GSG1L: variants seen among roughly 807,000 people sequenced by gnomAD.
GSG1L encodes the protein GSG1 like.
Under a neutral mutation model 42.1 loss-of-function variants are expected in GSG1L, and 24 were observed. That is an observed-to-expected ratio of 0.57 (90% CI 0.41 to 0.80). The LOEUF (loss-of-function observed/expected upper bound fraction) is 0.80, where lower values mean the gene tolerates loss of function less well. Among genes scored for constraint, GSG1L ranks in the 30% least tolerant of loss-of-function variants. GSG1L has a pLI of 0.00. For synonymous variants in GSG1L, 215 were observed against 203.5 expected, an observed-to-expected ratio of 1.06 and a Z score of -0.48; for missense variants, 445 against 472.2, an observed-to-expected ratio of 0.94 and a Z score of 0.53.
At chr16:28,035,952 C>T (rs535107114) in intron 1 of GSG1L, among the ~76,000 whole-genome samples, 1 of 152,170 alleles carries the variant, frequency 6.6e-6, no homozygotes, top group Non-Finnish European at 1.5e-5. Flanking sequence ...CCCTTCTGAC[C>T]GAAAGCTGAG....
chr16:27,936,584 G>A (rs2084720752), intron 2 of GSG1L, among the ~76,000 whole-genome samples: 1 of 152,160 alleles, frequency 6.6e-6, no homozygotes, highest in Non-Finnish European at 1.5e-5. Flanking sequence ...ACAGCCTGCA[G>A]AACCATGAGC....
At chr16:27,794,456 A>G (rs1236102118) in intron 6 of GSG1L, among the ~76,000 whole-genome samples, 1 of 151,476 alleles carries the variant, frequency 6.6e-6, no homozygotes, top group African/African-American at 2.4e-5. Context: ...TCAGCCTCCT[A>G]AGTAGCTAGG....
intron 2 of GSG1L, among the ~76,000 whole-genome samples, chr16:27,920,409 G>A (rs1241201572): frequency 1.3e-5 from 2 of 152,176 alleles, no homozygotes; most frequent in African/African-American, 4.8e-5. Flanking sequence ...ATTTAACGAT[G>A]GAGAGTTTCC....
intron 3 of GSG1L, among the ~76,000 whole-genome samples, chr16:27,854,910 C>G (rs1383007044): frequency 6.6e-6 from 1 of 152,134 alleles, no homozygotes; most frequent in Non-Finnish European, 1.5e-5. Context: ...TGGATGTACA[C>G]ACCCCTAAGT....
intron 1 of GSG1L, among the ~76,000 whole-genome samples, chr16:28,005,782 T>C (rs1033969195): frequency 6.6e-6 from 1 of 152,158 alleles, no homozygotes; most frequent in African/African-American, 2.4e-5. Context: ...GAATAAAGGC[T>C]TAATAAGTAT....
intron 2 of GSG1L, among the ~76,000 whole-genome samples, chr16:27,962,597 C>T (rs149669580): frequency 2.6e-4 from 39 of 152,328 alleles, no homozygotes; most frequent in South Asian, 1.9e-3. Flanking sequence ...ATCCTGACTG[C>T]TATCCCCTGA....
chr16:27,810,783 G>T (rs1269179604), intron 5 of GSG1L, among the ~76,000 whole-genome samples: 1 of 152,024 alleles, frequency 6.6e-6, no homozygotes, highest in Middle Eastern at 3.2e-3. Context: ...CTCCTCCTGG[G>T]TTCAAGCAAT....
chr16:28,052,490 C>T lies in GSG1L; in HGVS notation c.349+10586G>A, dbSNP rs372433562. 1.6e-4 allele frequency among the ~76,000 whole-genome samples: 24 copies of T among 152,226 alleles called. 1 individual carries two copies. In the East Asian group the frequency reaches 2.7e-3, roughly 17 times the overall value. On this transcript the variant is annotated intron_variant, in intron 1 of 6. Coordinates refer to ENST00000447459, the MANE Select transcript of GSG1L (RefSeq NM_001109763.2). The stretch of plus-strand genomic sequence containing the variant: ...ATTCTCCAGTCCTTGAAAAGGTAGA[C>T]ATGGCCATGTGATTTGCTTTGACCA...
intron 4 of GSG1L, among the ~76,000 whole-genome samples, chr16:27,840,387 C>T (rs1424306926): frequency 2.0e-5 from 3 of 152,044 alleles, no homozygotes; most frequent in African/African-American, 7.2e-5. Context: ...AGCCACTTTG[C>T]TCGGCCCCAA....
intron 2 of GSG1L, among the ~76,000 whole-genome samples, chr16:27,910,118 C>T (rs1489161445): frequency 7.2e-6 from 1 of 139,260 alleles, no homozygotes; most frequent in Non-Finnish European, 1.5e-5. Context: ...TGCCACCATG[C>T]CTGGCTACTT....
intron 1 of GSG1L, among the ~76,000 whole-genome samples, chr16:27,972,083 T>C (rs531715645): frequency 8.3e-4 from 127 of 152,340 alleles, no homozygotes; most frequent in African/African-American, 2.9e-3. Flanking sequence ...GAACCAGATG[T>C]TCCCACCATG....
At chr16:27,840,905 C>A (rs1364926222) in intron 4 of GSG1L, among the ~76,000 whole-genome samples, 1 of 152,170 alleles carries the variant, frequency 6.6e-6, no homozygotes, top group Non-Finnish European at 1.5e-5. Flanking sequence ...TCCACCCCAG[C>A]CACGCCCCAG....
At chr16:27,813,858 A>C (rs1201127397) in intron 5 of GSG1L, among the ~76,000 whole-genome samples, 1 of 152,220 alleles carries the variant, frequency 6.6e-6, no homozygotes, top group East Asian at 1.9e-4. Context: ...GGTTGAGCTC[A>C]GCTCTGCGAT....
chr16:28,025,749 G>A (rs180948968), intron 1 of GSG1L, among the ~76,000 whole-genome samples: 238 of 152,326 alleles, frequency 1.6e-3, no homozygotes, highest in African/African-American at 5.6e-3. Context: ...TTTATAATTG[G>A]GACTGGCAAG....
intron 1 of GSG1L, among the ~76,000 whole-genome samples, chr16:28,006,162 C>G (rs1363920645): frequency 6.6e-6 from 1 of 152,138 alleles, no homozygotes; most frequent in East Asian, 1.9e-4. Flanking sequence ...TCGTTTGCAG[C>G]CAGCAAGAAA....
chr16:27,792,063 A>C (rs2082761502), intron 6 of GSG1L, among the ~76,000 whole-genome samples: 1 of 146,802 alleles, frequency 6.8e-6, no homozygotes, highest in African/African-American at 2.5e-5. Flanking sequence ...TCCACCACCC[A>C]CCCCTCAGCA....
intron 2 of GSG1L, among the ~76,000 whole-genome samples, chr16:27,946,605 G>GAA (rs2084867560): frequency 4.9e-4 from 3 of 6,098 alleles, no homozygotes; most frequent in African/African-American, 2.6e-3. Flanking sequence ...GAGAGAGAGA[G>GAA]AGAGAGAGAG....
At position 27,864,191 on chromosome 16, in the gene GSG1L, T is replaced by A. The variant is rs149044875; in HGVS notation, c.551-19130A>T. On this transcript the variant is annotated intron_variant, in intron 3 of 6. Coordinates refer to ENST00000447459, the MANE Select transcript of GSG1L (RefSeq NM_001109763.2). ...CATTGCCTTGATTTGTATCACATGC[T>A]CATCCCTGAACCAATCATTGTGGGC... Among the ~76,000 whole-genome samples the A allele has an allele frequency of 3.1e-3, 476 of 152,352 alleles. 9 individuals carry two copies. The highest frequency in any genetic ancestry group is 0.021 in the East Asian group (111 of 5,182).
At chr16:27,872,152 C>T (rs796267815) in intron 3 of GSG1L, among the ~76,000 whole-genome samples, 16 of 152,290 alleles carry the variant, frequency 1.1e-4, no homozygotes, top group African/African-American at 3.8e-4. Context: ...TGTATTATAT[C>T]TGGGCAGCTG....
Sources: allele counts gnomAD v4.1 joint callset (sites outside exome capture counted in the v4.1 genomes callset), GRCh38; gene constraint gnomAD v4.1.1; transcripts MANE v1.5; gene names NCBI Gene and HGNC (gene_info 2026-07-23, HGNC 2026-07-21).